Variants in CXorf58 observed in about 807,000 individuals in gnomAD.
CXorf58 encodes the protein chromosome X open reading frame 58, also known as uncharacterized protein CXorf58.
Under a neutral mutation model 26.0 loss-of-function variants are expected in CXorf58, and 24 were observed. The observed-to-expected ratio is 0.92, with a 90% CI of 0.67 to 1.30. CXorf58 has a LOEUF of 1.30. Among genes scored for constraint, CXorf58 ranks in the 50% most tolerant of loss-of-function variants. CXorf58 has a pLI of 0.00. For missense variants in CXorf58, 236 were observed against 263.9 expected, an observed-to-expected ratio of 0.89 and a Z score of 0.73; for synonymous variants, 87 against 86.1, an observed-to-expected ratio of 1.01 and a Z score of -0.06.
chrX:23,934,525 C>T (rs1322206918), intron 6 of CXorf58, among the ~76,000 whole-genome samples: 1 of 111,687 alleles, frequency 9.0e-6, no homozygotes, highest in Non-Finnish European at 1.9e-5. Flanking sequence ...CTCAGCCTCC[C>T]AAGTAGCTGG....
chrX:23,927,839 A>G (rs1328740386), intron 6 of CXorf58, among the ~76,000 whole-genome samples: 1 of 111,492 alleles, frequency 9.0e-6, no homozygotes, highest in South Asian at 3.7e-4. Context: ...TAAAGTGTAC[A>G]ATTCAGGGGC....
At chrX:23,929,461 C>T (rs1439189262) in intron 6 of CXorf58, among the ~76,000 whole-genome samples, 1 of 109,822 alleles carries the variant, frequency 9.1e-6, no homozygotes, top group Non-Finnish European at 1.9e-5. Context: ...ACAATATTCC[C>T]TTAAACCAAA....
chrX:23,916,429 G>C, intron 5 of CXorf58, 101 bp downstream of exon 5: 1 of 403,417 alleles, frequency 2.5e-6, no homozygotes, highest in African/African-American at 2.9e-5. Context: ...ATTTCACCAT[G>C]AAACAGCCCA....
chrX:23,923,315 G>A (rs781520277), intron 5 of CXorf58, among the ~76,000 whole-genome samples: 1 of 110,932 alleles, frequency 9.0e-6, no homozygotes, highest in Non-Finnish European at 1.9e-5. Context: ...GCACACATAA[G>A]GAAACTGGGT....
chrX:23,910,309 C>T lies in CXorf58; in HGVS notation c.7C>T (p.Arg3Cys), dbSNP rs141234868. 4.3e-6 allele frequency: 5 copies of T among 1,153,508 alleles called. No individual in the cohort carries two copies. Among genetic ancestry groups the T allele is most frequent in the Non-Finnish European group, 4.7e-6 (4 of 848,852 alleles). The change falls in exon 2 of 9, where the codon CGT (arginine) becomes TGT (cysteine). Residue 3 changes from arginine to cysteine, a missense_variant. Physicochemically the swap from Arg to Cys is radical, Grantham distance 180. Coordinates refer to ENST00000379211, the MANE Select transcript of CXorf58 (RefSeq NM_152761.3). MNRSSNVPRKGIL... is the reference protein window; with the variant it reads MNCSSNVPRKGIL... ...TTACTTCATTGGAGGGAAAATGAAT[C>T]GTTCCTCAAATGTACCACGTAAAGG...
intron 3 of CXorf58, among the ~76,000 whole-genome samples, chrX:23,913,770 G>A (rs1927646620): frequency 9.1e-6 from 1 of 109,585 alleles, no homozygotes; most frequent in Non-Finnish European, 1.9e-5. Context: ...AGCCGGGCAT[G>A]GTGGTGTGCG....
chrX:23,910,284 T>G lies in CXorf58; in HGVS notation c.-19T>G. The stretch of plus-strand genomic sequence containing the variant: ...AAGGGTTAATTTATGTACTTTCAGA[T>G]TACTTCATTGGAGGGAAAATGAATC... On this transcript the variant is annotated splice_region_variant and 5_prime_UTR_variant, in exon 2 of 9. Transcript: ENST00000379211. 2 of 1,006,640 alleles carry G rather than the reference T, an allele frequency of 2.0e-6. No homozygotes were observed. The highest frequency in any genetic ancestry group is 2.8e-6 in the Non-Finnish European group (2 of 714,758). 83.0% of individuals were successfully genotyped at this position (1,006,640 alleles called of 1,213,427 possible). A position where few individuals can be genotyped will look rare whatever the true frequency, so the allele number is the denominator to read the frequency against.
chrX:23,935,369 G>C lies in CXorf58; in HGVS notation c.729G>C (p.Gln243His). 2 of 1,211,058 alleles carry C rather than the reference G, an allele frequency of 1.7e-6. No homozygotes were observed. Among genetic ancestry groups the C allele is most frequent in the Non-Finnish European group, 2.2e-6 (2 of 894,857 alleles). The change falls in exon 7 of 9, where the codon CAG becomes CAC. Residue 243 changes from glutamine (Q) to histidine (H), a missense_variant. Physicochemically the swap from Gln to His is conservative, Grantham distance 24. Transcript: ENST00000379211. ...GAAATGAAATGAAGTTTCTGTTACAGAGACCAGTAACGCAAGAGATCCATA... is the reference window on the plus strand; with the variant it reads ...GAAATGAAATGAAGTTTCTGTTACACAGACCAGTAACGCAAGAGATCCATA... Reference protein sequence around the residue: ...RLRNEMKFLLQRPVTQEIHKH... With the variant: ...RLRNEMKFLLHRPVTQEIHKH...
chrX:23,909,744 G>A (rs1927522379), intron 1 of CXorf58, among the ~76,000 whole-genome samples: 1 of 112,014 alleles, frequency 8.9e-6, no homozygotes, highest in African/African-American at 3.2e-5. Flanking sequence ...TAGAAAGTTG[G>A]AGGTGGAATC....
At chrX:23,939,109 C>A (rs1928363497) in intron 8 of CXorf58, 135 bp from the exon 9 acceptor site, 2 of 434,592 alleles carry the variant, frequency 4.6e-6, no homozygotes, top group African/African-American at 2.5e-5. Context: ...GACATGTATT[C>A]ATGTTATTAC....
intron 5 of CXorf58, among the ~76,000 whole-genome samples, chrX:23,920,757 G>T (rs941233140): frequency 9.2e-6 from 1 of 109,035 alleles, no homozygotes; most frequent in Non-Finnish European, 1.9e-5. Flanking sequence ...CGGGTGTGGT[G>T]GTGGGCGCCT....
At chrX:23,935,099 C>G in intron 6 of CXorf58, 97 bp from the exon 7 acceptor site, 1 of 601,200 alleles carries the variant, frequency 1.7e-6, no homozygotes, top group Non-Finnish European at 2.7e-6. Flanking sequence ...CTCCTGACCT[C>G]AGGTGATCCA....
intron 6 of CXorf58, among the ~76,000 whole-genome samples, chrX:23,932,792 C>T (rs190877598): frequency 7.6e-4 from 84 of 110,554 alleles, no homozygotes; most frequent in African/African-American, 2.6e-3. Context: ...GTCAGGAGTT[C>T]GAGACCAGCC....
chrX:23,927,286 T>C lies in CXorf58; in HGVS notation c.471T>C (p.Arg157=). 2 of 1,165,046 alleles carry C rather than the reference T, an allele frequency of 1.7e-6. No individual in the cohort carries two copies. Among genetic ancestry groups the C allele is most frequent in the Non-Finnish European group, 2.3e-6 (2 of 862,619 alleles). Residue 157 remains arginine (R), a synonymous_variant, in exon 6 of 9, where the codon CGT becomes CGC. Transcript: ENST00000379211. ...CKLMGERKFH[R]IIMEDERIFP... is the part of the protein sequence containing the mutation. ...TAATGGGGGAAAGGAAATTTCACCG[T>C]ATAATTATGGAAGATGAACGTATTT...
chrX:23,925,008 G>GA (rs778664746), intron 5 of CXorf58, among the ~76,000 whole-genome samples: 1 of 109,921 alleles, frequency 9.1e-6, no homozygotes, highest in African/African-American at 3.3e-5. Flanking sequence ...TAGCATGCTG[G>GA]AAAAAAAAGA....
intron 5 of CXorf58, among the ~76,000 whole-genome samples, chrX:23,919,759 C>A (rs148584685): frequency 0.049 from 5,455 of 112,147 alleles, 339 homozygotes; most frequent in African/African-American, 0.17. Context: ...TTACAGTCTG[C>A]GCTTGTTTGT....
At chrX:23,910,760 C>CTTTTTTTTT (rs779387168) in intron 2 of CXorf58, among the ~76,000 whole-genome samples, 3 of 51,449 alleles carry the variant, frequency 5.8e-5, no homozygotes, top group African/African-American at 8.4e-5. Flanking sequence ...TTTTTCCTTT[C>CTTTTTTTTT]TTTTTTTTTT....
intron 5 of CXorf58, among the ~76,000 whole-genome samples, chrX:23,921,629 G>T (rs1296645671): frequency 9.0e-6 from 1 of 111,646 alleles, no homozygotes. Context: ...ACTCAACTCT[G>T]TTGCTCTTTG....
At chrX:23,934,124 A>G (rs756579727) in intron 6 of CXorf58, among the ~76,000 whole-genome samples, 2 of 111,729 alleles carry the variant, frequency 1.8e-5, no homozygotes, top group African/African-American at 3.3e-5. Flanking sequence ...TTTTAGGCCC[A>G]TCTGAGTTTA....
Sources: allele counts gnomAD v4.1 joint callset (sites outside exome capture counted in the v4.1 genomes callset), GRCh38; gene constraint gnomAD v4.1.1; transcripts MANE v1.5; gene names NCBI Gene and HGNC (gene_info 2026-07-23, HGNC 2026-07-21).